Variants in ITPR2 observed in about 807,000 individuals in gnomAD.
ITPR2 encodes the protein inositol 1,4,5-trisphosphate-gated calcium channel ITPR2.
In ITPR2, 207 loss-of-function variants were observed where a neutral mutation model predicts 317.1. The ratio of observed to expected loss-of-function variants is 0.65; its 90% CI spans 0.58 to 0.73. The LOEUF is 0.73. ITPR2 is among the 30% of genes least tolerant of loss of function. The probability of loss-of-function intolerance (pLI) is 0.00; values close to 1 mark genes in which losing one functional copy is unlikely to be tolerated. For missense variants in ITPR2, 2,613 were observed against 3,284.0 expected (o/e 0.80, Z 4.99); for synonymous variants, 1,156 against 1,149.1 (o/e 1.01, Z -0.12).
chr12:26,553,468 A>C (rs1243361076), intron 36 of ITPR2, among the ~76,000 whole-genome samples: 1 of 152,168 alleles, frequency 6.6e-6, no homozygotes, highest in Non-Finnish European at 1.5e-5. Flanking sequence ...GCTAAGCTTT[A>C]CCAGGATGGT....
Position 26,653,999 on chromosome 12 carries a change from C to T in ITPR2, c.2717G>A (p.Arg906Lys). The T allele has an allele frequency of 6.2e-7, 1 of 1,610,978 alleles. No individual in the cohort carries two copies. Reference sequence around the variant, plus strand: ...ACCTCCATCTTGAAATTTGCTTAATCTTTCAAAGTATGATGACATGGGGGC... The same window carrying T: ...ACCTCCATCTTGAAATTTGCTTAATTTTTCAAAGTATGATGACATGGGGGC... ...VQAPMSSYFERLSKFQDGGNN... is the reference protein window; with the variant it reads ...VQAPMSSYFEKLSKFQDGGNN... Residue 906 changes from arginine (R) to lysine (K), a missense_variant, in exon 21 of 57, where the codon AGA becomes AAA. Physicochemically the swap from Arg to Lys is conservative, Grantham distance 26. Transcript: ENST00000381340.
chr12:26,493,979 A>G, intron 39 of ITPR2, 174 bp downstream of exon 39: 1 of 506,046 alleles, frequency 2.0e-6, no homozygotes. Flanking sequence ...ATAAATTGTG[A>G]AGCTCTGTAG....
intron 1 of ITPR2, among the ~76,000 whole-genome samples, chr12:26,824,507 T>C (rs1016946517): frequency 2.6e-4 from 39 of 152,336 alleles, no homozygotes; most frequent in Admixed American, 5.9e-4. Context: ...TCTATTTCAG[T>C]AATAACAGTT....
intron 45 of ITPR2, among the ~76,000 whole-genome samples, chr12:26,470,607 T>C (rs1942272680): frequency 2.0e-5 from 3 of 152,240 alleles, no homozygotes; most frequent in Admixed American, 2.0e-4. Context: ...GTGATTCTCC[T>C]TTCATCTATC....
chr12:26,515,587 A>G (rs1383104427), intron 37 of ITPR2, among the ~76,000 whole-genome samples: 1 of 152,058 alleles, frequency 6.6e-6, no homozygotes, highest in African/African-American at 2.4e-5. Context: ...TAATCCACAA[A>G]CTACAGAAGA....
chr12:26,403,843 C>T (rs532598156), intron 52 of ITPR2, among the ~76,000 whole-genome samples: 6 of 152,190 alleles, frequency 3.9e-5, no homozygotes, highest in Middle Eastern at 3.4e-3. Context: ...AAAATGTATG[C>T]TTGTACGATG....
chr12:26,787,978 G>A (rs1005671269), intron 2 of ITPR2, among the ~76,000 whole-genome samples: 5 of 143,340 alleles, frequency 3.5e-5, no homozygotes, highest in Admixed American at 2.9e-4. Flanking sequence ...AGGTTGGAGT[G>A]CAATGGCGCG....
intron 39 of ITPR2, 111 bp downstream of exon 39, chr12:26,494,042 T>G: frequency 1.3e-6 from 1 of 750,346 alleles, no homozygotes; most frequent in Non-Finnish European, 2.0e-6. Flanking sequence ...TTTTTTTTTT[T>G]TAGATAGTAA....
intron 55 of ITPR2, among the ~76,000 whole-genome samples, chr12:26,366,270 T>C (rs1939005788): frequency 6.6e-6 from 1 of 152,180 alleles, no homozygotes; most frequent in Non-Finnish European, 1.5e-5. Context: ...AAAGGCTATG[T>C]GAACTTTCAC....
intron 7 of ITPR2, 37 bp from the exon 8 acceptor site, chr12:26,715,482 T>C (rs369258336): frequency 1.8e-5 from 28 of 1,584,306 alleles, no homozygotes; most frequent in Non-Finnish European, 2.4e-5. Context: ...AACAAACAGA[T>C]GTGAGAAGCA....
chr12:26,468,054 A>G (rs1482808498), intron 45 of ITPR2, among the ~76,000 whole-genome samples: 2 of 152,216 alleles, frequency 1.3e-5, no homozygotes, highest in African/African-American at 2.4e-5. Flanking sequence ...AGGATGATAT[A>G]TAGCACAACC....
intron 34 of ITPR2, among the ~76,000 whole-genome samples, chr12:26,562,866 T>G (rs1007185099): frequency 6.4e-4 from 96 of 150,886 alleles, no homozygotes; most frequent in African/African-American, 2.1e-3. Flanking sequence ...TGTATACATA[T>G]GTAACAAACC....
chr12:26,646,510 A>G (rs530975396), intron 21 of ITPR2, among the ~76,000 whole-genome samples: 1 of 152,298 alleles, frequency 6.6e-6, no homozygotes, highest in African/African-American at 2.4e-5. Flanking sequence ...GAGAGTTGAC[A>G]TCCTCTTACT....
chr12:26,473,356 T>C (rs1942338651), intron 45 of ITPR2, among the ~76,000 whole-genome samples: 1 of 152,212 alleles, frequency 6.6e-6, no homozygotes, highest in Non-Finnish European at 1.5e-5. Context: ...TGCTGGCCAA[T>C]CTGTCACTCT....
At chr12:26,534,266 A>C (rs1459568888) in intron 37 of ITPR2, among the ~76,000 whole-genome samples, 1 of 152,228 alleles carries the variant, frequency 6.6e-6, no homozygotes, top group Non-Finnish European at 1.5e-5. Flanking sequence ...ATTCCTGGCA[A>C]GAATCAGCAA....
chr12:26,458,494 C>T (rs1317323493), intron 45 of ITPR2, among the ~76,000 whole-genome samples: 1 of 152,174 alleles, frequency 6.6e-6, no homozygotes, highest in Admixed American at 6.5e-5. Flanking sequence ...ACCACCTGCA[C>T]CCAAAGCACT....
At chr12:26,728,301 T>A (rs1948967543) in intron 2 of ITPR2, among the ~76,000 whole-genome samples, 1 of 152,056 alleles carries the variant, frequency 6.6e-6, no homozygotes, top group Non-Finnish European at 1.5e-5. Flanking sequence ...CGACTAGATG[T>A]GGGGGCGGGA....
intron 9 of ITPR2, among the ~76,000 whole-genome samples, chr12:26,706,123 C>A (rs1394054503): frequency 6.6e-6 from 1 of 152,192 alleles, no homozygotes; most frequent in Non-Finnish European, 1.5e-5. Flanking sequence ...ACAACTGTCT[C>A]TTTGGAAATG....
chr12:26,483,667 T>A, intron 42 of ITPR2, 31 bp downstream of exon 42: 1 of 1,516,552 alleles, frequency 6.6e-7, no homozygotes, highest in Non-Finnish European at 9.2e-7. Flanking sequence ...ATTAATCCCT[T>A]TACTAATTAG....
Sources: gnomAD v4.1 joint callset for allele counts (sites outside exome capture counted in the v4.1 genomes callset) on GRCh38, gnomAD v4.1.1 for gene constraint, MANE v1.5 for transcripts, NCBI Gene and HGNC (gene_info 2026-07-23, HGNC 2026-07-21) for gene names.